Variants in CNTNAP4 observed in about 807,000 individuals in gnomAD.
CNTNAP4 encodes the protein contactin associated protein family member 4.
CNTNAP4 carries 98 observed loss-of-function variants against 148.4 expected under a neutral mutation model. The ratio of observed to expected loss-of-function variants is 0.66; its 90% CI spans 0.56 to 0.78. The LOEUF is 0.78. CNTNAP4 is among the 30% of genes least tolerant of loss of function. The pLI is 0.00. For synonymous variants in CNTNAP4, 730 were observed against 565.1 expected (o/e 1.29, Z -4.14); for missense variants, 1,935 against 1,565.6 (o/e 1.24, Z -3.98).
chr16:76,475,198 G>A (rs1379301001), intron 10 of CNTNAP4, among the ~76,000 whole-genome samples: 1 of 152,034 alleles, frequency 6.6e-6, no homozygotes, highest in African/African-American at 2.4e-5. Flanking sequence ...TGAGACTCCA[G>A]TAGCCTCATA....
At chr16:76,298,321 C>T (rs1468486722) in intron 1 of CNTNAP4, among the ~76,000 whole-genome samples, 2 of 152,012 alleles carry the variant, frequency 1.3e-5, no homozygotes, top group Non-Finnish European at 2.9e-5. Context: ...AACTAAAATG[C>T]AATAAGCAAA....
At position 76,298,482 on chromosome 16, in the gene CNTNAP4, A is replaced by G. The variant is rs3851753; in HGVS notation, c.86-17931A>G. On this transcript the variant is annotated intron_variant, in intron 1 of 23. Coordinates refer to ENST00000611870, the MANE Select transcript of CNTNAP4 (RefSeq NM_033401.5). ...TCATTGTGTGTGCACATGTGTGTACATGTATGTGTGTGTGTGTGTGTGTGT... is the reference window on the plus strand; with the variant it reads ...TCATTGTGTGTGCACATGTGTGTACGTGTATGTGTGTGTGTGTGTGTGTGT... Among the ~76,000 whole-genome samples the G allele has an allele frequency of 2.4e-3, 308 of 125,772 alleles. 5 individuals are homozygous for G. Among genetic ancestry groups the G allele is most frequent in the African/African-American group, 0.012 (291 of 24,720 alleles). 82.5% of individuals were successfully genotyped at this position (125,772 alleles called of 152,430 possible).
intron 17 of CNTNAP4, among the ~76,000 whole-genome samples, chr16:76,522,646 T>TTTC (rs1395511213): frequency 1.1e-5 from 1 of 93,570 alleles, no homozygotes; most frequent in Admixed American, 1.1e-4. Flanking sequence ...TCTTTCTTTC[T>TTTC]TTTCTCTCTT....
chr16:76,466,158 C>T (rs1247250040), intron 9 of CNTNAP4, among the ~76,000 whole-genome samples: 2 of 152,058 alleles, frequency 1.3e-5, no homozygotes, highest in Non-Finnish European at 2.9e-5. Context: ...TTTTAGGTCC[C>T]ACAAATAAAT....
At chr16:76,539,403 G>C (rs541651810) in intron 19 of CNTNAP4, among the ~76,000 whole-genome samples, 4 of 152,058 alleles carry the variant, frequency 2.6e-5, no homozygotes, top group African/African-American at 9.6e-5. Flanking sequence ...CAATAGGTTG[G>C]CATTTCAGAA....
chr16:76,502,558 A>C (rs1005849620), intron 15 of CNTNAP4, among the ~76,000 whole-genome samples: 1 of 152,156 alleles, frequency 6.6e-6, no homozygotes, highest in African/African-American at 2.4e-5. Context: ...ATTCAGTTGA[A>C]AGCCTGATGA....
chr16:76,560,194 A>G lies in CNTNAP4; in HGVS notation c.*1511A>G, dbSNP rs1033172439. Among the ~76,000 whole-genome samples the G allele has an allele frequency of 6.6e-6, 1 of 152,154 alleles. No individual in the cohort carries two copies. The highest frequency in any genetic ancestry group is 1.5e-5 in the Non-Finnish European group (1 of 68,018). ...ACCTTCAAGTGCCTCCCAAGTAACT[A>G]TTGGATTTCTTAGTTTGTCTACACC... On this transcript the variant is annotated 3_prime_UTR_variant, in exon 24 of 24. Coordinates refer to ENST00000611870, the MANE Select transcript of CNTNAP4 (RefSeq NM_033401.5).
chr16:76,485,562 T>G (rs1374838574), intron 12 of CNTNAP4, among the ~76,000 whole-genome samples: 1 of 152,158 alleles, frequency 6.6e-6, no homozygotes, highest in Admixed American at 6.5e-5. Context: ...AAGTGAAAAC[T>G]CTATGGGTTA....
chr16:76,371,406 C>T (rs903228668), intron 3 of CNTNAP4, among the ~76,000 whole-genome samples: 1 of 152,204 alleles, frequency 6.6e-6, no homozygotes, highest in Non-Finnish European at 1.5e-5. Context: ...CTGCCTCAGC[C>T]TCCTGAGTAG....
intron 3 of CNTNAP4, among the ~76,000 whole-genome samples, chr16:76,382,420 C>T (rs552314040): frequency 1.0e-3 from 155 of 152,246 alleles, no homozygotes; most frequent in African/African-American, 3.6e-3. Flanking sequence ...ATGATCACAT[C>T]TTGCTAATGA....
intron 23 of CNTNAP4, among the ~76,000 whole-genome samples, chr16:76,554,750 A>G (rs755865536): frequency 1.3e-5 from 2 of 151,572 alleles, no homozygotes; most frequent in African/African-American, 4.8e-5. Flanking sequence ...TGCCAGTAAT[A>G]TGATTATTCA....
Position 76,448,074 on chromosome 16 carries a change from C to G in CNTNAP4, c.601C>G (p.Leu201Val), listed in dbSNP as rs2080315574. The change falls in exon 5 of 24, where the codon CTG becomes GTG. Residue 201 changes from leucine (L) to valine (V), a missense_variant. Leu to Val is a conservative substitution (Grantham distance 32, BLOSUM62 1). Coordinates refer to ENST00000611870, the MANE Select transcript of CNTNAP4 (RefSeq NM_033401.5). Reference sequence around the variant, plus strand: ...TCTCTACAGATTTGATCAAAAATCCCTGAGCCCAATAAAAGACATTATTTC... The same window carrying G: ...TCTCTACAGATTTGATCAAAAATCCGTGAGCCCAATAAAAGACATTATTTC... ...SLLYRFDQKS[L>V]SPIKDIISLK... The G allele has an allele frequency of 6.2e-7, 1 of 1,613,684 alleles. No homozygotes were observed. The highest frequency in any genetic ancestry group is 8.5e-7 in the Non-Finnish European group (1 of 1,179,708).
In CNTNAP4 at chr16:76,328,652, T is replaced by G. The variant is rs371039556; in HGVS notation, c.196+12129T>G. On this transcript the variant is annotated intron_variant, in intron 2 of 23. Coordinates refer to ENST00000611870, the MANE Select transcript of CNTNAP4 (RefSeq NM_033401.5). ...ATGTACCATATGCCTGTAAGGTGTG[T>G]TTTTTTTTTTGAGATGGAGGTTTGC... is the stretch of plus-strand genomic sequence containing the variant. 1.5e-4 allele frequency among the ~76,000 whole-genome samples: 22 copies of G among 146,830 alleles called. No individual in the cohort carries two copies. In the East Asian group the frequency reaches 3.6e-3, roughly 24 times the overall value.
chr16:76,544,511 T>C (rs895732083), intron 21 of CNTNAP4, among the ~76,000 whole-genome samples: 3 of 152,200 alleles, frequency 2.0e-5, no homozygotes, highest in Non-Finnish European at 4.4e-5. Context: ...AATTAAAATA[T>C]AGAAGTACTT....
At chr16:76,434,974 G>C (rs2079764259) in intron 4 of CNTNAP4, among the ~76,000 whole-genome samples, 1 of 152,150 alleles carries the variant, frequency 6.6e-6, no homozygotes, top group Admixed American at 6.6e-5. Context: ...CGTCAACTCA[G>C]AGACAGTGTC....
At chr16:76,498,360 C>G (rs1427228606) in intron 14 of CNTNAP4, among the ~76,000 whole-genome samples, 2 of 149,176 alleles carry the variant, frequency 1.3e-5, no homozygotes, top group African/African-American at 4.8e-5. Flanking sequence ...CTACTGCACT[C>G]CAGCCTGGGA....
At chr16:76,538,015 C>A in intron 18 of CNTNAP4, 101 bp from the exon 19 acceptor site, 1 of 449,832 alleles carries the variant, frequency 2.2e-6, no homozygotes, top group Admixed American at 4.3e-5. Context: ...GTTCTTCTAT[C>A]TATGCAATTC....
chr16:76,343,519 C>G (rs1442395395), intron 2 of CNTNAP4, among the ~76,000 whole-genome samples: 1 of 152,052 alleles, frequency 6.6e-6, no homozygotes, highest in Non-Finnish European at 1.5e-5. Flanking sequence ...TATAGAATAA[C>G]TAGTAGCATG....
intron 1 of CNTNAP4, among the ~76,000 whole-genome samples, chr16:76,308,236 C>G (rs889578953): frequency 1.3e-5 from 2 of 152,000 alleles, no homozygotes; most frequent in Non-Finnish European, 2.9e-5. Context: ...ATGTCAATGT[C>G]AAATTAATAC....
Sources: gnomAD v4.1 joint callset for allele counts (sites outside exome capture counted in the v4.1 genomes callset) on GRCh38, gnomAD v4.1.1 for gene constraint, MANE v1.5 for transcripts, NCBI Gene and HGNC (gene_info 2026-07-23, HGNC 2026-07-21) for gene names.